The following GRIK1 variants were observed in gnomAD, a reference collection of about 807,000 sequenced individuals.
The protein encoded by GRIK1 is glutamate receptor ionotropic, kainate 1.
In GRIK1, 69 loss-of-function variants were observed where a neutral mutation model predicts 105.7. The observed-to-expected ratio is 0.65, with a 90% confidence interval of 0.54 to 0.80. GRIK1 has a LOEUF of 0.80. Ranked by LOEUF, GRIK1 falls within the 30% of genes least tolerant of loss-of-function variation. GRIK1 has a pLI of 0.00. For missense variants in GRIK1, 1,109 were observed against 1,167.3 expected (o/e 0.95, Z 0.73); for synonymous variants, 438 against 431.3 (o/e 1.02, Z -0.19).
intron 7 of GRIK1, among the ~76,000 whole-genome samples, chr21:29,619,123 C>CAAAA (rs35003722): frequency 1.2e-5 from 1 of 81,678 alleles, no homozygotes; most frequent in African/African-American, 4.5e-5. Context: ...GAGACTCCGT[C>CAAAA]AAAAAAAAAA....
chr21:29,785,881 T>C (rs1200204318), intron 1 of GRIK1, among the ~76,000 whole-genome samples: 1 of 152,188 alleles, frequency 6.6e-6, no homozygotes, highest in Non-Finnish European at 1.5e-5. Flanking sequence ...GGGACAAGCC[T>C]ATATTGCCTC....
intron 1 of GRIK1, among the ~76,000 whole-genome samples, chr21:29,889,023 G>A (rs1406036796): frequency 2.0e-5 from 3 of 152,140 alleles, no homozygotes; most frequent in African/African-American, 7.2e-5. Flanking sequence ...TAGCTATGAG[G>A]AAGTTGACTT....
intron 6 of GRIK1, 33 bp from the exon 7 acceptor site, chr21:29,643,002 T>C: frequency 6.2e-7 from 1 of 1,604,694 alleles, no homozygotes; most frequent in Non-Finnish European, 8.5e-7. Context: ...CATCTTAAAT[T>C]CCACTTTTGC....
chr21:29,812,092 G>A (rs1334606049), intron 1 of GRIK1, among the ~76,000 whole-genome samples: 1 of 152,114 alleles, frequency 6.6e-6, no homozygotes, highest in East Asian at 1.9e-4. Context: ...ACCTATGTGT[G>A]TGTCTGTGTG....
At chr21:29,874,825 TG>T in intron 1 of GRIK1, among the ~76,000 whole-genome samples, 1 of 152,314 alleles carries the variant, frequency 6.6e-6, no homozygotes, top group Non-Finnish European at 1.5e-5. Flanking sequence ...TGATTATCCG[TG>T]GGTCATCTGG....
rs1354521298 is a variant in GRIK1 at position 29,651,163 on chromosome 21, C to T, written c.909G>A (p.Gln303=). ...GGCCAGTCTCGGGCCTGGGTGGGGCCTGCAGTCTCTCCATGGACCACTTCT... is the reference window on the plus strand; with the variant it reads ...GGCCAGTCTCGGGCCTGGGTGGGGCTTGCAGTCTCTCCATGGACCACTTCT... The part of the protein sequence containing the change: ...IIEKWSMERL[Q]APPRPETGLL... Residue 303 remains glutamine (Q), a synonymous_variant, in exon 6 of 18, where the codon CAG becomes CAA. Coordinates refer to ENST00000327783, the MANE Select transcript of GRIK1 (RefSeq NM_001330994.2). 2 of 1,613,798 alleles carry T rather than the reference C, an allele frequency of 1.2e-6. No homozygotes were observed. The highest frequency in any genetic ancestry group is 2.2e-5 in the East Asian group (1 of 44,882).
At chr21:29,847,391 C>T (rs888446482) in intron 1 of GRIK1, among the ~76,000 whole-genome samples, 21 of 152,126 alleles carry the variant, frequency 1.4e-4, no homozygotes, top group Non-Finnish European at 2.5e-4. Context: ...GTCAGGAGTT[C>T]GAGACCATCC....
intron 1 of GRIK1, among the ~76,000 whole-genome samples, chr21:29,870,343 C>T (rs1010066361): frequency 6.6e-6 from 1 of 151,968 alleles, no homozygotes; most frequent in African/African-American, 2.4e-5. Flanking sequence ...ACAGCAGGAA[C>T]AAGATTTTCA....
intron 7 of GRIK1, among the ~76,000 whole-genome samples, chr21:29,612,966 A>C (rs2061762662): frequency 6.6e-6 from 1 of 152,170 alleles, no homozygotes; most frequent in Admixed American, 6.5e-5. Flanking sequence ...ATATTTGGAG[A>C]ATGACTTTGG....
At chr21:29,541,575 C>CTTTTGTTTTTTTTTTTTTT (rs2089971202) in intron 16 of GRIK1, among the ~76,000 whole-genome samples, 1 of 96,006 alleles carries the variant, frequency 1.0e-5, no homozygotes, top group African/African-American at 4.8e-5. Context: ...CACTCACGGT[C>CTTTTGTTTTTTTTTTTTTT]TTTTTTTTTT....
chr21:29,894,104 T>A (rs1343099652), intron 1 of GRIK1, among the ~76,000 whole-genome samples: 2 of 152,102 alleles, frequency 1.3e-5, no homozygotes, highest in Non-Finnish European at 2.9e-5. Flanking sequence ...AGTGGATTGA[T>A]GAAGAAGGGC....
At chr21:29,562,037 A>G (rs903071389) in intron 14 of GRIK1, among the ~76,000 whole-genome samples, 188 bp from the exon 15 acceptor site, 2 of 152,190 alleles carry the variant, frequency 1.3e-5, no homozygotes, top group African/African-American at 4.8e-5. Context: ...TCACTATTGG[A>G]CAGCATTTGC....
chr21:29,747,154 AG>A (rs2065067080), intron 1 of GRIK1, among the ~76,000 whole-genome samples: 1 of 152,228 alleles, frequency 6.6e-6, no homozygotes, highest in Admixed American at 6.5e-5. Context: ...AATAGACAAA[AG>A]AGCTCCCAGG....
intron 1 of GRIK1, among the ~76,000 whole-genome samples, chr21:29,849,935 T>C (rs1368892004): frequency 1.3e-5 from 2 of 152,172 alleles, no homozygotes; most frequent in Non-Finnish European, 2.9e-5. Context: ...CAACAGTGGA[T>C]GGCCCCTGTT....
rs1555837472 is a variant in GRIK1 at position 29,570,843 on chromosome 21, C to CG, written c.2130+6120_2130+6121insC. ...GCTGAGTGATCGAAACTTAGAGTTGCTTTTTTTTTTTTTGATGGACAAAGT... is the reference window on the plus strand; with the variant it reads ...GCTGAGTGATCGAAACTTAGAGTTGCGTTTTTTTTTTTTTGATGGACAAAGT... On this transcript the variant is annotated intron_variant, in intron 14 of 17. Transcript: ENST00000327783. 2.5e-3 allele frequency among the ~76,000 whole-genome samples: 360 copies of CG among 146,084 alleles called. 1 individual carries two copies. The highest frequency in any genetic ancestry group is 8.6e-3 in the African/African-American group (344 of 39,852).
intron 1 of GRIK1, among the ~76,000 whole-genome samples, chr21:29,743,372 T>C (rs1299142750): frequency 1.3e-5 from 2 of 151,828 alleles, no homozygotes; most frequent in Non-Finnish European, 2.9e-5. Context: ...GACATGGGAG[T>C]GGGAAAGTGG....
At chr21:29,738,019 A>G (rs2064837713) in intron 1 of GRIK1, among the ~76,000 whole-genome samples, 1 of 152,238 alleles carries the variant, frequency 6.6e-6, no homozygotes, top group South Asian at 2.1e-4. Context: ...TCTCCCCCAC[A>G]CTACCAGAGT....
At chr21:29,816,173 G>A (rs138429646) in intron 1 of GRIK1, among the ~76,000 whole-genome samples, 300 of 151,972 alleles carry the variant, frequency 2.0e-3, no homozygotes, top group African/African-American at 7.0e-3. Flanking sequence ...ACAGACAAAC[G>A]GCCAACAGGT....
intron 1 of GRIK1, among the ~76,000 whole-genome samples, chr21:29,755,487 C>T (rs952329300): frequency 1.8e-4 from 27 of 152,238 alleles, no homozygotes; most frequent in African/African-American, 6.5e-4. Flanking sequence ...ATCATTCTCA[C>T]ATTCCAGGTG....
Sources: allele counts gnomAD v4.1 joint callset (sites outside exome capture counted in the v4.1 genomes callset), GRCh38; gene constraint gnomAD v4.1.1; transcripts MANE v1.5; gene names NCBI Gene and HGNC (gene_info 2026-07-23, HGNC 2026-07-21).